The following SCAF4 variants were observed in gnomAD, a reference collection of about 807,000 sequenced individuals.
SCAF4 encodes SR-related and CTD-associated factor 4.
In SCAF4, 25 loss-of-function variants were observed where a neutral mutation model predicts 129.8. That is an observed-to-expected ratio of 0.19 (90% CI 0.14 to 0.27). The LOEUF (loss-of-function observed/expected upper bound fraction) is 0.27. Among genes scored for constraint, SCAF4 ranks in the 10% least tolerant of loss-of-function variants. The probability of loss-of-function intolerance (pLI) is 1.00; values close to 1 mark genes in which losing one functional copy is unlikely to be tolerated. For missense variants in SCAF4, 1,246 were observed against 1,457.1 expected (o/e 0.86, Z 2.36); for synonymous variants, 551 against 497.7 (o/e 1.11, Z -1.43).
chr21:31,690,313 CGT>C (rs2050229536), intron 15 of SCAF4, among the ~76,000 whole-genome samples: 1 of 151,366 alleles, frequency 6.6e-6, no homozygotes, highest in African/African-American at 2.4e-5. Flanking sequence ...GGTGAAACCC[CGT>C]GTCTATTGAA....
chr21:31,696,092 C>T, intron 9 of SCAF4, 21 bp downstream of exon 9: 1 of 1,550,672 alleles, frequency 6.4e-7, no homozygotes, highest in Non-Finnish European at 8.9e-7. Flanking sequence ...TTTCTTTGAA[C>T]TGCAAGAAAA....
In SCAF4 at chr21:31,671,725, G is replaced by T. The variant is rs202128594; in HGVS notation, c.3118C>A (p.Arg1040=). 1 of 1,613,932 alleles carries T rather than the reference G, an allele frequency of 6.2e-7. No individual in the cohort carries two copies. Among genetic ancestry groups the T allele is most frequent in the Admixed American group, 1.7e-5 (1 of 60,010 alleles). ...TCTTCCAAGTCTCTGTGCCTGTCCC[G>T]GTCAGGGCTCCTCCTTCCCCACTCT... ...RREWGRRSPD[R]DRHRDLEERN... The change falls in exon 20 of 20, where the codon CGG becomes AGG. Residue 1040 remains arginine, a synonymous_variant. Coordinates refer to ENST00000286835, the MANE Select transcript of SCAF4 (RefSeq NM_020706.2).
At chr21:31,699,847 G>A (rs2050479326) in intron 7 of SCAF4, among the ~76,000 whole-genome samples, 1 of 152,182 alleles carries the variant, frequency 6.6e-6, no homozygotes, top group Non-Finnish European at 1.5e-5. Flanking sequence ...AAATTTCAAT[G>A]AGAAGCTCTA....
intron 19 of SCAF4, among the ~76,000 whole-genome samples, chr21:31,677,781 C>T (rs2049896368): frequency 6.6e-6 from 1 of 152,166 alleles, no homozygotes; most frequent in Non-Finnish European, 1.5e-5. Flanking sequence ...AAAGCACAGG[C>T]TCCTGTTGGA....
Position 31,684,717 on chromosome 21 carries a change from A to C in SCAF4, c.2488+332T>G, listed in dbSNP as rs1336145161. 1.0e-5 allele frequency: 3 copies of C among 290,508 alleles called. No homozygotes were observed. In the East Asian group the frequency reaches 2.6e-4, roughly 26 times the overall value. 18.0% of individuals were successfully genotyped at this position (290,508 alleles called of 1,614,324 possible). On this transcript the variant is annotated intron_variant, in intron 19 of 19. Coordinates refer to ENST00000286835, the MANE Select transcript of SCAF4 (RefSeq NM_020706.2). Reference sequence around the variant, plus strand: ...GAGACTAAGGTTAAGTGAATTACGAACTCTGTACCAATTCCTTTGCACAGA... The same window carrying C: ...GAGACTAAGGTTAAGTGAATTACGACCTCTGTACCAATTCCTTTGCACAGA...
At chr21:31,704,653 C>T (rs564094301) in intron 3 of SCAF4, among the ~76,000 whole-genome samples, 2 of 152,144 alleles carry the variant, frequency 1.3e-5, no homozygotes, top group African/African-American at 4.8e-5. Context: ...AGCCTAACAA[C>T]CAGTATTATG....
At chr21:31,675,594 T>C (rs918758930) in intron 19 of SCAF4, among the ~76,000 whole-genome samples, 4 of 152,198 alleles carry the variant, frequency 2.6e-5, no homozygotes, top group African/African-American at 4.8e-5. Flanking sequence ...CCCCGGAATA[T>C]AGGTGAAACA....
chr21:31,708,388 AAAAAGAAAAG>A (rs557252425), intron 1 of SCAF4, among the ~76,000 whole-genome samples: 3 of 151,998 alleles, frequency 2.0e-5, no homozygotes, highest in African/African-American at 4.8e-5. Flanking sequence ...TTTAAAAAAA[AAAAAGAAAAG>A]AAAAGAAAAG....
chr21:31,709,117 G>A (rs2050737413), intron 1 of SCAF4, among the ~76,000 whole-genome samples: 1 of 152,126 alleles, frequency 6.6e-6, no homozygotes. Context: ...TTCTTTTCCT[G>A]ATCCCTTCTC....
intron 12 of SCAF4, 73 bp from the exon 13 acceptor site, chr21:31,692,522 T>C: frequency 2.1e-6 from 2 of 938,636 alleles, no homozygotes; most frequent in East Asian, 2.6e-5. Flanking sequence ...CATTAAAAAA[T>C]CATTACACAA....
Position 31,671,356 on chromosome 21 carries a change from A to G in SCAF4, c.*43T>C. ...AGCATCTGTACACCTCAAGCTCTACACTCCAGGAAGTGTCACTGTCACATT... is the reference window on the plus strand; with the variant it reads ...AGCATCTGTACACCTCAAGCTCTACGCTCCAGGAAGTGTCACTGTCACATT... On this transcript the variant is annotated 3_prime_UTR_variant, in exon 20 of 20. Coordinates refer to ENST00000286835, the MANE Select transcript of SCAF4 (RefSeq NM_020706.2). 2 of 1,585,094 alleles carry G rather than the reference A, an allele frequency of 1.3e-6. No individual in the cohort carries two copies. Among genetic ancestry groups the G allele is most frequent in the Non-Finnish European group, 8.6e-7 (1 of 1,165,630 alleles).
intron 16 of SCAF4, 37 bp from the exon 17 acceptor site, chr21:31,685,770 G>T (rs1321435700): frequency 1.3e-6 from 2 of 1,528,244 alleles, no homozygotes; most frequent in Non-Finnish European, 1.8e-6. Flanking sequence ...CACCTATCTA[G>T]ACACCCTCCC....
Position 31,732,077 on chromosome 21 carries a change from G to C in SCAF4, c.-385C>G, listed in dbSNP as rs944753327. 2.4e-6 allele frequency: 1 copy of C among 412,396 alleles called. No individual in the cohort carries two copies. The highest frequency in any genetic ancestry group is 2.1e-5 in the African/African-American group (1 of 48,378). The allele number at this position is 412,396 out of a possible 1,614,324, so 25.5% of individuals were successfully genotyped here. A position where few individuals can be genotyped will look rare whatever the true frequency, so the allele number is the denominator to read the frequency against. ...GCCTCTCTCTCCCTCTCTCCAGCGG[G>C]ATGGCGGCAGCGGCCCGAGTCCACG... On this transcript the variant is annotated 5_prime_UTR_variant, in exon 1 of 20. In the 5' UTR this introduces an upstream ATG that the reference lacks. Coordinates refer to ENST00000286835, the MANE Select transcript of SCAF4 (RefSeq NM_020706.2).
intron 19 of SCAF4, 44 bp downstream of exon 19, chr21:31,685,005 G>GGT (rs2050082331): frequency 2.7e-6 from 2 of 745,162 alleles, no homozygotes; most frequent in South Asian, 3.1e-5. Flanking sequence ...GGGGTGGGGG[G>GGT]GGGGTGGGGC....
Position 31,674,302 on chromosome 21 carries a change from T to C in SCAF4, c.2489-1948A>G, listed in dbSNP as rs183875608. Among the ~76,000 whole-genome samples, 9 of 152,354 alleles carry C rather than the reference T, an allele frequency of 5.9e-5. No homozygotes were observed. In the East Asian group the frequency reaches 1.5e-3, roughly 26 times the overall value. On this transcript the variant is annotated intron_variant, in intron 19 of 19. Coordinates refer to ENST00000286835, the MANE Select transcript of SCAF4 (RefSeq NM_020706.2). ...TTACAATAATCATATAAACCTTATA[T>C]AAAAGCACAATTTTTATAAAGAATT...
chr21:31,671,521 C>T lies in SCAF4; in HGVS notation c.3322G>A (p.Glu1108Lys). The T allele has an allele frequency of 6.2e-7, 1 of 1,614,188 alleles. No homozygotes were observed. Among genetic ancestry groups the T allele is most frequent in the Non-Finnish European group, 8.5e-7 (1 of 1,180,028 alleles). Residue 1108 changes from glutamate (E) to lysine (K), a missense_variant, in exon 20 of 20, where the codon GAA becomes AAA. By Grantham distance (56) the Glu-to-Lys change is moderately conservative. Around this residue, in one of 6 missense-constraint regions of SCAF4, gnomAD observed 339 missense variants for 325.0 expected, o/e 1.04. Transcript: ENST00000286835. ...SQVGNVDTAS[E>K]LEKGVSEAAV... ...GCCTCAGACACCCCCTTCTCAAGTT[C>T]TGAAGCAGTGTCTACATTTCCCACT... is the stretch of plus-strand genomic sequence containing the variant.
At chr21:31,705,520 C>T (rs1368767720) in intron 2 of SCAF4, 53 bp from the exon 3 acceptor site, 1 of 785,204 alleles carries the variant, frequency 1.3e-6, no homozygotes, top group African/African-American at 1.8e-5. Flanking sequence ...TCTACATTTC[C>T]TATAATTAGA....
chr21:31,700,919 G>T, intron 7 of SCAF4, 76 bp downstream of exon 7: 4 of 1,406,016 alleles, frequency 2.8e-6, no homozygotes, highest in Non-Finnish European at 4.0e-6. Flanking sequence ...CCACAGAAGG[G>T]ATACAGAAGT....
At position 31,696,708 on chromosome 21, in the gene SCAF4, C is replaced by T; in HGVS notation, c.820G>A (p.Val274Met). The T allele has an allele frequency of 6.2e-7, 1 of 1,613,468 alleles. No individual in the cohort carries two copies. Among genetic ancestry groups the T allele is most frequent in the South Asian group, 1.1e-5 (1 of 91,052 alleles). ...RFDYDDEPEA[V>M]EESKKEDTTA... ...GTATCCTCTTTCTTTGATTCTTCCA[C>T]AGCTTCTGGCTCATCATCATAGTCA... is the stretch of plus-strand genomic sequence containing the variant. Residue 274 changes from valine to methionine, a missense_variant, in exon 8 of 20, where the codon GTG (valine) becomes ATG (methionine). By Grantham distance (21) the Val-to-Met change is conservative. Coordinates refer to ENST00000286835, the MANE Select transcript of SCAF4 (RefSeq NM_020706.2).
Sources: gnomAD v4.1 joint callset for allele counts (sites outside exome capture counted in the v4.1 genomes callset) on GRCh38, gnomAD v4.1.1 for gene constraint, gnomAD v4.1.1 regional missense constraint, MANE v1.5 for transcripts, NCBI Gene and HGNC (gene_info 2026-07-23, HGNC 2026-07-21) for gene names.